The following PATJ variants were observed in gnomAD, a reference collection of about 807,000 sequenced individuals.
PATJ encodes the protein inaD-like protein.
PATJ carries 190 observed loss-of-function variants against 224.9 expected under a neutral mutation model. The ratio of observed to expected loss-of-function variants is 0.84; its 90% CI spans 0.75 to 0.95. The LOEUF (loss-of-function observed/expected upper bound fraction) is 0.95, where lower values mean the gene tolerates loss of function less well. Ranked by LOEUF, PATJ falls within the 40% of genes least tolerant of loss-of-function variation. The pLI, the probability that PATJ is intolerant of heterozygous loss-of-function variation, is 0.00. For missense variants in PATJ, 2,121 were observed against 2,270.3 expected (o/e 0.93, Z 1.34); for synonymous variants, 769 against 820.3 (o/e 0.94, Z 1.07).
intron 41 of PATJ, among the ~76,000 whole-genome samples, chr1:62,144,790 A>ATATG: frequency 6.9e-6 from 1 of 145,380 alleles, no homozygotes; most frequent in South Asian, 2.2e-4. Context: ...ATATATATAT[A>ATATG]TATATAATTA....
chr1:62,008,473 A>G (rs1292544009), intron 28 of PATJ, among the ~76,000 whole-genome samples: 1 of 152,168 alleles, frequency 6.6e-6, no homozygotes, highest in Non-Finnish European at 1.5e-5. Flanking sequence ...CTGGGTAACT[A>G]CTAATCGGCA....
chr1:61,828,362 T>A (rs1447961763), intron 16 of PATJ, among the ~76,000 whole-genome samples: 1 of 151,894 alleles, frequency 6.6e-6, no homozygotes, highest in Non-Finnish European at 1.5e-5. Flanking sequence ...TACTCCTTAT[T>A]TATTTATTTT....
intron 20 of PATJ, among the ~76,000 whole-genome samples, chr1:61,871,079 G>GTTTTTTTTTTTTTTTT (rs1274894642): frequency 4.6e-5 from 3 of 64,946 alleles, no homozygotes; most frequent in East Asian, 5.8e-4. Context: ...TGTTTTTTTT[G>GTTTTTTTTTTTTTTTT]TTTTTTTTTT....
chr1:62,029,038 A>G (rs1349120562), intron 29 of PATJ, among the ~76,000 whole-genome samples: 1 of 151,846 alleles, frequency 6.6e-6, no homozygotes. Context: ...GTCCTATTCC[A>G]TTGGTTAATA....
chr1:61,806,786 G>C (rs1653659596), intron 13 of PATJ, among the ~76,000 whole-genome samples: 1 of 152,040 alleles, frequency 6.6e-6, no homozygotes, highest in Non-Finnish European at 1.5e-5. Flanking sequence ...TTAGTGGTTT[G>C]GTATTCAAAT....
intron 31 of PATJ, among the ~76,000 whole-genome samples, chr1:62,077,570 A>G (rs549721130): frequency 2.4e-4 from 36 of 151,830 alleles, no homozygotes; most frequent in African/African-American, 8.0e-4. Context: ...TGCGCCTGTA[A>G]TCCCAGGTAT....
intron 39 of PATJ, 86 bp downstream of exon 39, chr1:62,123,144 G>GGGAA: frequency 1.1e-6 from 1 of 895,474 alleles, no homozygotes; most frequent in Non-Finnish European, 1.8e-6. Flanking sequence ...CAGTTTATTG[G>GGGAA]ATTGTGAGTG....
At chr1:62,015,311 A>G (rs1353511562) in intron 28 of PATJ, among the ~76,000 whole-genome samples, 1 of 152,162 alleles carries the variant, frequency 6.6e-6, no homozygotes, top group Non-Finnish European at 1.5e-5. Context: ...CTCAAAAAAA[A>G]AAAGAAAGAA....
At position 61,980,437 on chromosome 1, in the gene PATJ, TTGTGTGTGTGTGTGTGTGTGTG is replaced by T. The variant is rs148389720; in HGVS notation, c.3671-9710_3671-9689del. On this transcript the variant is annotated intron_variant, in intron 27 of 43. Transcript: ENST00000642238. Reference sequence around the variant, plus strand: ...TGCCAAAAGCTAGTACTTATATAATTTGTGTGTGTGTGTGTGTGTGTGTGTGTGTGTGTGTGTGTGTGGTATG... The same window carrying T: ...TGCCAAAAGCTAGTACTTATATAATTTGTGTGTGTGTGTGTGTGTGGTATG... Among the ~76,000 whole-genome samples the T allele has an allele frequency of 8.0e-3, 1,043 of 129,738 alleles. 17 individuals carry two copies. Among genetic ancestry groups the T allele is most frequent in the African/African-American group, 0.029 (955 of 33,086 alleles). 85.1% of individuals were successfully genotyped at this position (129,738 alleles called of 152,430 possible).
At chr1:61,760,566 T>C (rs1396821770) in intron 1 of PATJ, among the ~76,000 whole-genome samples, 2 of 152,134 alleles carry the variant, frequency 1.3e-5, no homozygotes, top group East Asian at 3.8e-4. Flanking sequence ...GAAAACATTA[T>C]CCATAGAGAA....
chr1:62,002,296 G>T (rs1645821017), intron 28 of PATJ, among the ~76,000 whole-genome samples: 1 of 152,158 alleles, frequency 6.6e-6, no homozygotes, highest in Admixed American at 6.5e-5. Flanking sequence ...CTCTTTCATG[G>T]TGGGTAGTGT....
At chr1:61,937,850 A>G (rs1677133809) in intron 27 of PATJ, among the ~76,000 whole-genome samples, 1 of 152,160 alleles carries the variant, frequency 6.6e-6, no homozygotes, top group East Asian at 1.9e-4. Context: ...GGGTTTCCCC[A>G]TGTTGGTCAG....
At chr1:61,867,771 C>G (rs777023261) in intron 20 of PATJ, among the ~76,000 whole-genome samples, 1 of 152,134 alleles carries the variant, frequency 6.6e-6, no homozygotes, top group Admixed American at 6.6e-5. Flanking sequence ...GGAACACTTA[C>G]ACCCGTTGAT....
intron 28 of PATJ, among the ~76,000 whole-genome samples, chr1:61,993,921 C>G (rs1482885659): frequency 6.6e-6 from 1 of 152,084 alleles, no homozygotes; most frequent in African/African-American, 2.4e-5. Context: ...CTATGCTTTC[C>G]TTTGACTTTC....
intron 25 of PATJ, among the ~76,000 whole-genome samples, chr1:61,913,446 G>A (rs569905280): frequency 6.6e-5 from 10 of 152,242 alleles, no homozygotes; most frequent in Admixed American, 1.3e-4. Context: ...GGACTCCAGC[G>A]ATCCTCCTGC....
At chr1:61,881,869 C>T (rs571686347) in intron 21 of PATJ, among the ~76,000 whole-genome samples, 1 of 152,250 alleles carries the variant, frequency 6.6e-6, no homozygotes, top group Admixed American at 6.5e-5. Context: ...ACACTTGTTC[C>T]GTAGAATGGA....
At chr1:62,135,484 C>A (rs529328613) in intron 41 of PATJ, among the ~76,000 whole-genome samples, 1 of 137,748 alleles carries the variant, frequency 7.3e-6, no homozygotes, top group African/African-American at 2.7e-5. Flanking sequence ...CCACTGCACT[C>A]CATCCTGGGT....
intron 14 of PATJ, chr1:61,816,633 A>T (rs566020951): frequency 1.2e-4 from 19 of 152,338 alleles, no homozygotes; most frequent in African/African-American, 4.6e-4. Context: ...AATAGATAAT[A>T]TATGGGCAAG....
At chr1:61,807,281 G>A (rs551950033) in intron 13 of PATJ, among the ~76,000 whole-genome samples, 1 of 152,262 alleles carries the variant, frequency 6.6e-6, no homozygotes, top group African/African-American at 2.4e-5. Context: ...GGGCTCAAGT[G>A]ATCTCCCACC....
Sources: allele counts gnomAD v4.1 joint callset (sites outside exome capture counted in the v4.1 genomes callset), GRCh38; gene constraint gnomAD v4.1.1; transcripts MANE v1.5; gene names NCBI Gene and HGNC (gene_info 2026-07-23, HGNC 2026-07-21).